PRELID2: variants seen among roughly 807,000 people sequenced by gnomAD.
PRELID2 encodes the protein PRELI domain containing 2.
Under a neutral mutation model 28.4 loss-of-function variants are expected in PRELID2, and 25 were observed. The ratio of observed to expected loss-of-function variants is 0.88; its 90% CI spans 0.64 to 1.23. The LOEUF is 1.23. PRELID2 is among the 50% of genes most tolerant of loss of function. The pLI is 0.00. For missense variants in PRELID2, 201 were observed against 214.4 expected (o/e 0.94, Z 0.39); for synonymous variants, 76 against 71.6 (o/e 1.06, Z -0.31).
At chr5:145,324,612 A>G in the PRELID2 span, among the ~76,000 whole-genome samples, 40 of 152,220 alleles carry the variant, frequency 2.6e-4, no homozygotes, top group Non-Finnish European at 8.8e-5. Flanking sequence ...AAAGAACATC[A>G]CAAAAAATAA....
At chr5:145,330,620 T>C in the PRELID2 span, among the ~76,000 whole-genome samples, 1 of 152,220 alleles carries the variant, frequency 6.6e-6, no homozygotes, top group Admixed American at 6.5e-5. Flanking sequence ...AGTGGTCTTA[T>C]CCCCTTTATC....
At chr5:145,574,327 C>T (rs560903787) in intron 1 of PRELID2, among the ~76,000 whole-genome samples, 1 of 152,162 alleles carries the variant, frequency 6.6e-6, no homozygotes, top group Non-Finnish European at 1.5e-5. Context: ...TTTAGTTCAG[C>T]GAGATCCATG....
chr5:145,704,607 C>A (rs1383482718), intron 1 of PRELID2, among the ~76,000 whole-genome samples: 1 of 152,194 alleles, frequency 6.6e-6, no homozygotes, highest in Non-Finnish European at 1.5e-5. Flanking sequence ...CTGCCTAACC[C>A]ACAACTGTTC....
At chr5:145,544,676 T>A (rs1316668194) in intron 1 of PRELID2, among the ~76,000 whole-genome samples, 2 of 152,114 alleles carry the variant, frequency 1.3e-5, no homozygotes, top group Non-Finnish European at 2.9e-5. Context: ...TGGCTCCCCA[T>A]AAAATTAAAT....
At chr5:145,651,754 C>A (rs201517218) in intron 1 of PRELID2, among the ~76,000 whole-genome samples, 1 of 152,134 alleles carries the variant, frequency 6.6e-6, no homozygotes, top group African/African-American at 2.4e-5. Flanking sequence ...ACCCCATCTG[C>A]ACGTCACCAT....
At chr5:145,436,118 C>T in the PRELID2 span, among the ~76,000 whole-genome samples, 1 of 152,084 alleles carries the variant, frequency 6.6e-6, no homozygotes, top group African/African-American at 2.4e-5. Flanking sequence ...GCCCTATTGT[C>T]TGTTTTTTCC....
At chr5:145,348,831 T>G in the PRELID2 span, among the ~76,000 whole-genome samples, 1 of 152,154 alleles carries the variant, frequency 6.6e-6, no homozygotes, top group Non-Finnish European at 1.5e-5. Flanking sequence ...GTTAAAATGT[T>G]GAAACTTTTC....
chr5:145,552,047 G>A (rs1244393195), intron 1 of PRELID2, among the ~76,000 whole-genome samples: 1 of 152,104 alleles, frequency 6.6e-6, no homozygotes, highest in Non-Finnish European at 1.5e-5. Context: ...AAAGAGCAGA[G>A]AATATCCAAT....
the PRELID2 span, among the ~76,000 whole-genome samples, chr5:145,336,329 T>C: frequency 6.6e-6 from 1 of 151,596 alleles, no homozygotes; most frequent in Non-Finnish European, 1.5e-5. Flanking sequence ...TTTGGTGTTT[T>C]AGACATGAAG....
chr5:145,651,384 T>C (rs904471311), intron 1 of PRELID2, among the ~76,000 whole-genome samples: 1 of 152,088 alleles, frequency 6.6e-6, no homozygotes, highest in African/African-American at 2.4e-5. Context: ...TTCAATGTCC[T>C]CGTCTGACAG....
At chr5:145,268,522 C>G in the PRELID2 span, among the ~76,000 whole-genome samples, 3 of 152,108 alleles carry the variant, frequency 2.0e-5, no homozygotes, top group Non-Finnish European at 4.4e-5. Context: ...AGTACTCTCT[C>G]TTTAACACTG....
intron 1 of PRELID2, among the ~76,000 whole-genome samples, chr5:145,700,867 G>A (rs1325628361): frequency 5.3e-5 from 8 of 152,182 alleles, no homozygotes; most frequent in Admixed American, 4.6e-4. Flanking sequence ...ACACCCAGGT[G>A]AGCAAGCCCC....
intron 1 of PRELID2, among the ~76,000 whole-genome samples, chr5:145,663,404 C>T (rs185221224): frequency 1.1e-4 from 16 of 152,158 alleles, no homozygotes; most frequent in Non-Finnish European, 1.9e-4. Flanking sequence ...TGAAGAGAAA[C>T]AGTAACTTCA....
At chr5:145,247,248 C>A in the PRELID2 span, among the ~76,000 whole-genome samples, 1 of 152,128 alleles carries the variant, frequency 6.6e-6, no homozygotes. Flanking sequence ...AATTCCCGAG[C>A]CCCTACTCAC....
At chr5:145,400,069 T>C in the PRELID2 span, among the ~76,000 whole-genome samples, 4 of 152,154 alleles carry the variant, frequency 2.6e-5, no homozygotes, top group Non-Finnish European at 4.4e-5. Context: ...TTTTATTTAA[T>C]ACTGGGTTTC....
chr5:145,763,223 C>T (rs1213512341), intron 6 of PRELID2, among the ~76,000 whole-genome samples: 1 of 152,180 alleles, frequency 6.6e-6, no homozygotes, highest in Non-Finnish European at 1.5e-5. Context: ...GGGATCTGTG[C>T]CTAAGCATGC....
chr5:145,626,223 A>G (rs1231172545), intron 1 of PRELID2, among the ~76,000 whole-genome samples: 1 of 152,184 alleles, frequency 6.6e-6, no homozygotes, highest in Non-Finnish European at 1.5e-5. Flanking sequence ...CAAAAGAAAT[A>G]ACCAACAGAG....
At chr5:145,773,197 C>T (rs1405303035) in intron 5 of PRELID2, among the ~76,000 whole-genome samples, 4 of 152,048 alleles carry the variant, frequency 2.6e-5, no homozygotes, top group East Asian at 1.9e-4. Context: ...TTTTCTAGTC[C>T]GGATAGGAAA....
At chr5:145,502,201 G>A (rs1170633803) in intron 1 of PRELID2, among the ~76,000 whole-genome samples, 5 of 152,118 alleles carry the variant, frequency 3.3e-5, no homozygotes, top group African/African-American at 4.8e-5. Context: ...AGACAAAGGG[G>A]AAATGGCACT....
Sources: gnomAD v4.1 joint callset for allele counts (sites outside exome capture counted in the v4.1 genomes callset) on GRCh38, gnomAD v4.1.1 for gene constraint, MANE v1.5 for transcripts, NCBI Gene and HGNC (gene_info 2026-07-23, HGNC 2026-07-21) for gene names.